The following ARL15 variants were observed in gnomAD, a reference collection of about 807,000 sequenced individuals.
The protein encoded by ARL15 is ARF like GTPase 15, also known as ADP-ribosylation factor-like protein 15.
In ARL15, 19 loss-of-function variants were observed where a neutral mutation model predicts 25.2. The observed-to-expected ratio is 0.75, with a 90% CI of 0.53 to 1.10. The LOEUF (loss-of-function observed/expected upper bound fraction) is 1.10. ARL15 is among the 50% of genes least tolerant of loss of function. The pLI is 0.00. For missense variants in ARL15, 220 were observed against 246.0 expected, an observed-to-expected ratio of 0.89 and a Z score of 0.71; for synonymous variants, 94 against 86.8, an observed-to-expected ratio of 1.08 and a Z score of -0.46.
Position 54,163,355 on chromosome 5 carries a change from GCTTTTTTTTTTTTT to G in ARL15, c.193+8415_193+8428del, listed in dbSNP as rs1240080796. ...TGTCCATGAGGGCTATTGGTATGAA[GCTTTTTTTTTTTTT>G]TTTTTTTTTTTTTTTTTTTTTTTTT... On this transcript the variant is annotated intron_variant, in intron 2 of 4. Transcript: ENST00000504924. Among the ~76,000 whole-genome samples the G allele has an allele frequency of 2.4e-3, 124 of 51,332 alleles. 10 individuals are homozygous for G. The highest frequency in any genetic ancestry group is 8.9e-3 in the African/African-American group (107 of 12,078). 33.7% of individuals were successfully genotyped at this position (51,332 alleles called of 152,430 possible).
intron 4 of ARL15, among the ~76,000 whole-genome samples, chr5:53,969,776 C>T (rs768438357): frequency 6.6e-6 from 1 of 151,686 alleles, no homozygotes; most frequent in African/African-American, 2.4e-5. Context: ...AAGAAGGTTA[C>T]AAAAACTTTC....
chr5:54,140,168 C>G (rs1753725664), intron 3 of ARL15, among the ~76,000 whole-genome samples: 1 of 151,376 alleles, frequency 6.6e-6, no homozygotes, highest in Non-Finnish European at 1.5e-5. Context: ...GTGTTTTTAA[C>G]TTCCTGGATT....
intron 1 of ARL15, among the ~76,000 whole-genome samples, chr5:54,227,380 C>T (rs1035417855): frequency 6.6e-6 from 1 of 152,218 alleles, no homozygotes; most frequent in African/African-American, 2.4e-5. Context: ...TGCCTTTACA[C>T]AGCTCTTTCA....
intron 4 of ARL15, among the ~76,000 whole-genome samples, chr5:54,076,725 C>T (rs1332678983): frequency 1.3e-5 from 2 of 151,848 alleles, no homozygotes; most frequent in Non-Finnish European, 2.9e-5. Flanking sequence ...ATAATTACAA[C>T]ACTTAAAAGA....
rs748572975 is a variant in ARL15 at position 54,162,177 on chromosome 5, C to T, written c.194-7538G>A. On this transcript the variant is annotated intron_variant, in intron 2 of 4. Transcript: ENST00000504924. Reference sequence around the variant, plus strand: ...TCAGCCTGTGGGACCTCCTCTGCTGCCTATTCGCCAACCCTTCTCTACCAT... The same window carrying T: ...TCAGCCTGTGGGACCTCCTCTGCTGTCTATTCGCCAACCCTTCTCTACCAT... Among the ~76,000 whole-genome samples, 2 of 152,136 alleles carry T rather than the reference C, an allele frequency of 1.3e-5. 1 individual carries two copies. Among genetic ancestry groups the T allele is most frequent in the Non-Finnish European group, 2.9e-5 (2 of 68,012 alleles).
intron 4 of ARL15, among the ~76,000 whole-genome samples, chr5:54,049,223 C>T (rs545334886): frequency 6.6e-6 from 1 of 151,910 alleles, no homozygotes; most frequent in African/African-American, 2.4e-5. Flanking sequence ...TATTATAATG[C>T]CTCTTAAATT....
At chr5:53,915,009 C>T (rs1745592265) in intron 4 of ARL15, among the ~76,000 whole-genome samples, 1 of 152,172 alleles carries the variant, frequency 6.6e-6, no homozygotes, top group Non-Finnish European at 1.5e-5. Flanking sequence ...CGGGGCTTCA[C>T]CATGTTGGCC....
chr5:54,128,214 A>C (rs980227417), intron 3 of ARL15, among the ~76,000 whole-genome samples: 1 of 152,108 alleles, frequency 6.6e-6, no homozygotes, highest in Non-Finnish European at 1.5e-5. Flanking sequence ...CCTTAATTTT[A>C]TTTTTTATAA....
chr5:54,063,672 A>G (rs1402255104), intron 4 of ARL15, among the ~76,000 whole-genome samples: 1 of 152,214 alleles, frequency 6.6e-6, no homozygotes, highest in Non-Finnish European at 1.5e-5. Flanking sequence ...AACTGTCTAA[A>G]TGAGTTAGAA....
At chr5:54,208,453 G>C (rs1175261850) in intron 1 of ARL15, among the ~76,000 whole-genome samples, 1 of 151,834 alleles carries the variant, frequency 6.6e-6, no homozygotes, top group Admixed American at 6.6e-5. Context: ...AGCACACCAT[G>C]AAATTTCAGA....
At chr5:54,167,104 A>G (rs1389065742) in intron 2 of ARL15, among the ~76,000 whole-genome samples, 1 of 152,182 alleles carries the variant, frequency 6.6e-6, no homozygotes, top group South Asian at 2.1e-4. Flanking sequence ...CCATCTGGTG[A>G]TTACAGGCAT....
chr5:53,955,069 A>G (rs1055643141), intron 4 of ARL15, among the ~76,000 whole-genome samples: 1 of 151,018 alleles, frequency 6.6e-6, no homozygotes, highest in African/African-American at 2.4e-5. Context: ...TTCATCTAAC[A>G]AACATTTATC....
intron 1 of ARL15, among the ~76,000 whole-genome samples, chr5:54,237,890 CAT>C (rs1756852444): frequency 6.6e-6 from 1 of 152,162 alleles, no homozygotes; most frequent in Admixed American, 6.5e-5. Flanking sequence ...ACCAACTAAC[CAT>C]ATGAGGGGGA....
chr5:54,015,290 C>A (rs1355961974), intron 4 of ARL15, among the ~76,000 whole-genome samples: 1 of 85,760 alleles, frequency 1.2e-5, no homozygotes, highest in African/African-American at 4.0e-5. Context: ...GAAACTCCAT[C>A]TCAAAAAAAA....
intron 4 of ARL15, among the ~76,000 whole-genome samples, chr5:54,064,784 C>G (rs77009752): frequency 2.6e-5 from 4 of 151,352 alleles, no homozygotes; most frequent in African/African-American, 9.7e-5. Flanking sequence ...TAAGTATAGT[C>G]GATCCTCAGG....
chr5:54,120,678 T>G (rs1753044759), intron 3 of ARL15, among the ~76,000 whole-genome samples: 1 of 152,196 alleles, frequency 6.6e-6, no homozygotes, highest in Non-Finnish European at 1.5e-5. Flanking sequence ...AGCTAATTCT[T>G]GAGCCATTGG....
chr5:54,176,064 C>T (rs767569769), intron 1 of ARL15, among the ~76,000 whole-genome samples: 2 of 152,202 alleles, frequency 1.3e-5, no homozygotes, highest in African/African-American at 2.4e-5. Context: ...TCCGTCTCCC[C>T]AAGCTCTTTC....
intron 3 of ARL15, among the ~76,000 whole-genome samples, chr5:54,144,870 C>G (rs1025610451): frequency 6.6e-6 from 1 of 152,134 alleles, no homozygotes; most frequent in Non-Finnish European, 1.5e-5. Flanking sequence ...CACTACTTAA[C>G]ACAAGGAGAA....
intron 1 of ARL15, among the ~76,000 whole-genome samples, chr5:54,257,146 A>T (rs1367418641): frequency 6.6e-6 from 1 of 152,134 alleles, no homozygotes; most frequent in African/African-American, 2.4e-5. Context: ...AGACGATGTC[A>T]AACTCTCTCT....
Sources: allele counts gnomAD v4.1 joint callset (sites outside exome capture counted in the v4.1 genomes callset), GRCh38; gene constraint gnomAD v4.1.1; transcripts MANE v1.5; gene names NCBI Gene and HGNC (gene_info 2026-07-23, HGNC 2026-07-21).